Variants in NRG3 observed in about 807,000 individuals in gnomAD.
NRG3 encodes neuregulin 3.
In NRG3, 31 loss-of-function variants were observed where a neutral mutation model predicts 66.9. The ratio of observed to expected loss-of-function variants is 0.46; its 90% CI spans 0.35 to 0.63. NRG3 has a LOEUF of 0.63. Among genes scored for constraint, NRG3 ranks in the 20% least tolerant of loss-of-function variants. The pLI is 0.00. For missense variants in NRG3, 910 were observed against 878.9 expected, an observed-to-expected ratio of 1.04 and a Z score of -0.45; for synonymous variants, 393 against 359.4, an observed-to-expected ratio of 1.09 and a Z score of -1.06.
At chr10:81,885,038 G>A (rs565025683) in intron 1 of NRG3, among the ~76,000 whole-genome samples, 1 of 152,178 alleles carries the variant, frequency 6.6e-6, no homozygotes, top group South Asian at 2.1e-4. Flanking sequence ...TATTCCTCTT[G>A]CATAACTAAA....
intron 1 of NRG3, among the ~76,000 whole-genome samples, chr10:81,924,559 G>A (rs2132910880): frequency 6.6e-6 from 1 of 152,266 alleles, no homozygotes; most frequent in South Asian, 2.1e-4. Flanking sequence ...AGTTCATTTG[G>A]GTGGACAGAG....
intron 2 of NRG3, among the ~76,000 whole-genome samples, chr10:82,634,942 G>A (rs887417461): frequency 6.6e-6 from 1 of 152,122 alleles, no homozygotes; most frequent in African/African-American, 2.4e-5. Context: ...GTTGTGACCA[G>A]GTTCATTGGG....
chr10:82,915,127 C>T (rs576595105), intron 4 of NRG3, among the ~76,000 whole-genome samples: 16 of 152,284 alleles, frequency 1.1e-4, no homozygotes, highest in African/African-American at 3.8e-4. Context: ...AACTGTTAGT[C>T]AAGTGATGTT....
At chr10:82,262,096 C>A (rs2078059981) in intron 1 of NRG3, among the ~76,000 whole-genome samples, 1 of 152,196 alleles carries the variant, frequency 6.6e-6, no homozygotes, top group African/African-American at 2.4e-5. Context: ...GGAAAGCCTG[C>A]AGAACCATGA....
intron 1 of NRG3, among the ~76,000 whole-genome samples, chr10:82,176,179 T>G (rs1268098280): frequency 6.6e-6 from 1 of 152,172 alleles, no homozygotes; most frequent in Non-Finnish European, 1.5e-5. Flanking sequence ...ACTTCCCAGA[T>G]CTATTGGCTT....
intron 2 of NRG3, among the ~76,000 whole-genome samples, chr10:82,532,485 CTCTA>C (rs1285119074): frequency 2.0e-5 from 3 of 147,296 alleles, no homozygotes; most frequent in South Asian, 2.1e-4. Context: ...ATATAGTACT[CTCTA>C]TATATAGTAC....
chr10:82,515,014 C>T (rs1845521484), intron 2 of NRG3, among the ~76,000 whole-genome samples: 1 of 152,154 alleles, frequency 6.6e-6, no homozygotes, highest in African/African-American at 2.4e-5. Context: ...AGCTTCCACT[C>T]TAGCTGCCAG....
chr10:82,598,668 G>A (rs1024226630), intron 2 of NRG3, among the ~76,000 whole-genome samples: 3 of 152,166 alleles, frequency 2.0e-5, no homozygotes, highest in Admixed American at 2.0e-4. Flanking sequence ...GAACAGGTAA[G>A]TGACCCTTTG....
intron 2 of NRG3, among the ~76,000 whole-genome samples, chr10:82,363,365 T>C (rs2084309374): frequency 2.0e-5 from 3 of 152,228 alleles, no homozygotes; most frequent in Non-Finnish European, 2.9e-5. Flanking sequence ...TGTCCACAAA[T>C]ACTACTTGAG....
At chr10:82,529,881 T>A (rs890179339) in intron 2 of NRG3, among the ~76,000 whole-genome samples, 1 of 152,144 alleles carries the variant, frequency 6.6e-6, no homozygotes, top group Non-Finnish European at 1.5e-5. Context: ...AGTATTGTTA[T>A]CCATATACAA....
At chr10:82,646,723 T>C (rs2050960047) in intron 2 of NRG3, among the ~76,000 whole-genome samples, 1 of 152,052 alleles carries the variant, frequency 6.6e-6, no homozygotes, top group Admixed American at 6.6e-5. Flanking sequence ...TGGGGTATGC[T>C]CAAGGAAAGG....
At chr10:82,095,220 C>T (rs765712380) in intron 1 of NRG3, among the ~76,000 whole-genome samples, 2 of 151,694 alleles carry the variant, frequency 1.3e-5, no homozygotes, top group African/African-American at 2.4e-5. Context: ...TAGAAAAATG[C>T]GAACTAACCT....
At chr10:82,858,547 CAACTT>C (rs1200463206) in intron 3 of NRG3, among the ~76,000 whole-genome samples, 1 of 152,230 alleles carries the variant, frequency 6.6e-6, no homozygotes, top group Non-Finnish European at 1.5e-5. Context: ...GTGGAAGACT[CAACTT>C]GCCTTCCTCA....
chr10:82,592,692 G>C (rs1299903066), intron 2 of NRG3, among the ~76,000 whole-genome samples: 1 of 152,144 alleles, frequency 6.6e-6, no homozygotes, highest in Non-Finnish European at 1.5e-5. Flanking sequence ...AGCTATCTAT[G>C]CTGCTGACTC....
At chr10:82,506,488 G>C (rs569492455) in intron 2 of NRG3, among the ~76,000 whole-genome samples, 2 of 151,998 alleles carry the variant, frequency 1.3e-5, no homozygotes, top group South Asian at 2.1e-4. Flanking sequence ...AAATGCCACT[G>C]CTTGGGGCTT....
intron 2 of NRG3, among the ~76,000 whole-genome samples, chr10:82,694,627 G>A (rs1420544433): frequency 6.6e-6 from 1 of 151,946 alleles, no homozygotes; most frequent in African/African-American, 2.4e-5. Context: ...TGGTGGCAAT[G>A]CCTGTAGCCT....
chr10:82,698,757 A>G (rs1565214476), intron 2 of NRG3, among the ~76,000 whole-genome samples: 3 of 151,548 alleles, frequency 2.0e-5, no homozygotes, highest in Non-Finnish European at 4.4e-5. Flanking sequence ...ACAAAGGAGA[A>G]CACACATAAA....
chr10:82,425,337 G>A (rs2089355373), intron 2 of NRG3, among the ~76,000 whole-genome samples: 1 of 151,980 alleles, frequency 6.6e-6, no homozygotes, highest in African/African-American at 2.4e-5. Context: ...TTGCATAATG[G>A]AAGACTTGTA....
intron 1 of NRG3, among the ~76,000 whole-genome samples, chr10:82,115,993 A>G (rs1386709465): frequency 6.6e-6 from 1 of 152,154 alleles, no homozygotes; most frequent in Non-Finnish European, 1.5e-5. Context: ...CTTTTTGACT[A>G]AAGTCAATGG....
Sources: allele counts gnomAD v4.1 joint callset (sites outside exome capture counted in the v4.1 genomes callset), GRCh38; gene constraint gnomAD v4.1.1; transcripts MANE v1.5; gene names NCBI Gene and HGNC (gene_info 2026-07-23, HGNC 2026-07-21).